Variants in COL1A2 observed in about 807,000 individuals in gnomAD.
COL1A2 encodes collagen type I alpha 2 chain.
COL1A2 carries 49 observed loss-of-function variants against 174.3 expected under a neutral mutation model. The observed-to-expected ratio is 0.28, with a 90% CI of 0.22 to 0.36. The LOEUF is 0.36. Among genes scored for constraint, COL1A2 ranks in the 10% least tolerant of loss-of-function variants. The pLI, the probability that COL1A2 is intolerant of heterozygous loss-of-function variation, is 1.00. For synonymous variants in COL1A2, 655 were observed against 606.6 expected (o/e 1.08, Z -1.17); for missense variants, 1,438 against 1,822.7 (o/e 0.79, Z 3.84).
Position 94,430,605 on chromosome 7 carries a change from G to T in COL1A2, c.*212G>T. ...CCTTCCCCCGCTCCCCCAAAAATTT[G>T]AATTTTTTTTTCAACACTCTTACAC... On this transcript the variant is annotated 3_prime_UTR_variant, in exon 52 of 52. Coordinates refer to ENST00000297268, the MANE Select transcript of COL1A2 (RefSeq NM_000089.4). 3.5e-6 allele frequency: 2 copies of T among 572,404 alleles called. No individual in the cohort carries two copies. Among genetic ancestry groups the T allele is most frequent in the Non-Finnish European group, 6.1e-6 (2 of 329,786 alleles). 35.5% of individuals were successfully genotyped at this position (572,404 alleles called of 1,614,324 possible).
intron 4 of COL1A2, 62 bp downstream of exon 4, chr7:94,399,146 C>A: frequency 6.8e-7 from 1 of 1,471,762 alleles, no homozygotes; most frequent in East Asian, 2.3e-5. Context: ...ATGTTAGAAA[C>A]TACAGGAACT....
intron 3 of COL1A2, 78 bp downstream of exon 3, chr7:94,398,474 T>A: frequency 1.6e-6 from 1 of 610,930 alleles, no homozygotes; most frequent in Non-Finnish European, 2.6e-6. Context: ...TAGTAGACTA[T>A]AGAAGGAAAA....
Position 94,429,372 on chromosome 7 carries a change from A to C in COL1A2, c.3896A>C (p.Glu1299Ala). The change falls in exon 51 of 52, where the codon GAA becomes GCA. Residue 1299 changes from glutamate (E) to alanine (A), a missense_variant. Glu to Ala is a moderately radical substitution (Grantham distance 107, BLOSUM62 -1). Around this residue, in one of 3 missense-constraint regions of COL1A2, gnomAD observed 290 missense variants for 298.1 expected, o/e 0.97. Transcript: ENST00000297268. ...AVILQGSNDV[E>A]LVAEGNSRFT... is the part of the protein sequence containing the mutation. ...ATTCTACAGGGCTCTAATGATGTTG[A>C]ACTTGTTGCTGAGGGCAACAGCAGG... The C allele has an allele frequency of 6.2e-7, 1 of 1,613,996 alleles. No individual in the cohort carries two copies. Among genetic ancestry groups the C allele is most frequent in the Non-Finnish European group, 8.5e-7 (1 of 1,179,896 alleles).
chr7:94,423,906 C>T (rs1370634915), intron 40 of COL1A2: 1 of 195,494 alleles, frequency 5.1e-6, no homozygotes, highest in African/African-American at 2.4e-5. Flanking sequence ...GATTTCCTTT[C>T]CTTTGTGTAT....
At chr7:94,402,622 A>G (rs879471988) in intron 6 of COL1A2, among the ~76,000 whole-genome samples, 3 of 152,124 alleles carry the variant, frequency 2.0e-5, no homozygotes, top group Non-Finnish European at 4.4e-5. Context: ...ATACTAGCAT[A>G]TATGAAATAG....
chr7:94,411,016 ATCC>A, intron 22 of COL1A2, 37 bp from the exon 23 acceptor site: 1 of 1,602,570 alleles, frequency 6.2e-7, no homozygotes, highest in Non-Finnish European at 8.5e-7. Flanking sequence ...TAGCTTTAGC[ATCC>A]TCCTCCTCTA....
chr7:94,402,996 G>GT (rs1431202508), intron 6 of COL1A2, among the ~76,000 whole-genome samples: 9 of 152,118 alleles, frequency 5.9e-5, no homozygotes, highest in Non-Finnish European at 1.0e-4. Flanking sequence ...AAATGAAAAA[G>GT]TAGAGTGTTT....
At chr7:94,416,190 G>T (rs1792039066) in intron 30 of COL1A2, among the ~76,000 whole-genome samples, 1 of 152,168 alleles carries the variant, frequency 6.6e-6, no homozygotes, top group Admixed American at 6.6e-5. Flanking sequence ...TTCTGGAGTC[G>T]TAGTCATGGA....
In COL1A2 at chr7:94,430,278, T is replaced by C. The variant is rs1792371266; in HGVS notation, c.3986T>C (p.Ile1329Thr). 2 of 1,614,056 alleles carry C rather than the reference T, an allele frequency of 1.2e-6. No homozygotes were observed. The highest frequency in any genetic ancestry group is 1.3e-5 in the African/African-American group (1 of 75,046). ...KKTNEWGKTI[I>T]EYKTNKPSRL... ...ACAAATGAATGGGGAAAGACAATCA[T>C]TGAATACAAAACAAATAAGCCATCA... The change falls in exon 52 of 52, where the codon ATT becomes ACT. Residue 1329 changes from isoleucine to threonine, a missense_variant. Ile to Thr is a moderately conservative substitution (Grantham distance 89). Coordinates refer to ENST00000297268, the MANE Select transcript of COL1A2 (RefSeq NM_000089.4).
chr7:94,416,337 C>G lies in COL1A2; in HGVS notation c.1765-68C>G, dbSNP rs980001002. On this transcript the variant is annotated intron_variant, in intron 30 of 51. Transcript: ENST00000297268. ...CTCGGAAGCTACACAAATGTAAACTCTCATATGTAAAACAGTATCACTGAA... is the reference window on the plus strand; with the variant it reads ...CTCGGAAGCTACACAAATGTAAACTGTCATATGTAAAACAGTATCACTGAA... 11 of 1,354,310 alleles carry G rather than the reference C, an allele frequency of 8.1e-6. No homozygotes were observed. The African/African-American group carries it at 1.6e-4, about 20-fold the overall frequency. The allele number at this position is 1,354,310 out of a possible 1,614,324, so 83.9% of individuals were successfully genotyped here.
At chr7:94,412,189 T>C (rs1326221516) in intron 24 of COL1A2, 68 bp downstream of exon 24, 17 of 1,371,642 alleles carry the variant, frequency 1.2e-5, no homozygotes, top group Non-Finnish European at 1.8e-5. Context: ...GTCTATTTTG[T>C]GGCTTATTTA....
intron 51 of COL1A2, 136 bp downstream of exon 51, chr7:94,429,566 A>T (rs376564577): frequency 2.4e-6 from 2 of 839,594 alleles, no homozygotes; most frequent in East Asian, 2.5e-5. Flanking sequence ...TTTCATAAGT[A>T]AATTCAGTTT....
At chr7:94,420,970 T>G (rs1480799109) in intron 37 of COL1A2, 39 bp from the exon 38 acceptor site, 2 of 1,593,256 alleles carry the variant, frequency 1.3e-6, no homozygotes, top group Non-Finnish European at 1.7e-6. Flanking sequence ...TTACAAGGGT[T>G]TGTTTGTGAT....
At chr7:94,410,317 CT>C in intron 20 of COL1A2, 22 bp downstream of exon 20, 1 of 1,613,622 alleles carries the variant, frequency 6.2e-7, no homozygotes, top group Non-Finnish European at 8.5e-7. Context: ...TATCATCACA[CT>C]TTTATAAAGT....
rs1554395967 is a variant in COL1A2 at position 94,408,810 on chromosome 7, C to A, written c.779C>A (p.Ala260Asp). ...GSAGPPGFPGAPGPKGEIGAV... is the reference protein window; with the variant it reads ...GSAGPPGFPGDPGPKGEIGAV... ...GCTGGCCCTCCAGGCTTCCCAGGTG[C>A]CCCTGGCCCCAAGGTAAAAACACTG... is the stretch of plus-strand genomic sequence containing the variant. The change falls in exon 16 of 52, where the codon GCC (alanine) becomes GAC (aspartate). Residue 260 changes from alanine to aspartate, a missense_variant. Around this residue, in one of 3 missense-constraint regions of COL1A2, gnomAD observed 867 missense variants for 1,213.7 expected, o/e 0.71. Coordinates refer to ENST00000297268, the MANE Select transcript of COL1A2 (RefSeq NM_000089.4). 1 of 1,614,112 alleles carries A rather than the reference C, an allele frequency of 6.2e-7. No individual in the cohort carries two copies. Among genetic ancestry groups the A allele is most frequent in the Non-Finnish European group, 8.5e-7 (1 of 1,179,998 alleles).
At position 94,401,633 on chromosome 7, in the gene COL1A2, G is replaced by A; in HGVS notation, c.279+13G>A. 1.3e-6 allele frequency: 2 copies of A among 1,578,556 alleles called. No homozygotes were observed. Among genetic ancestry groups the A allele is most frequent in the Non-Finnish European group, 1.7e-6 (2 of 1,157,906 alleles). On this transcript the variant is annotated intron_variant, in intron 6 of 51. Coordinates refer to ENST00000297268, the MANE Select transcript of COL1A2 (RefSeq NM_000089.4). ...CCCTGGACCAATGGTATGCTTATCTGTTTATCTTAGCCAAAAAAATTGCTA... is the reference window on the plus strand; with the variant it reads ...CCCTGGACCAATGGTATGCTTATCTATTTATCTTAGCCAAAAAAATTGCTA...
chr7:94,407,730 A>C (rs1791831347), intron 12 of COL1A2, 117 bp from the exon 13 acceptor site: 6 of 858,580 alleles, frequency 7.0e-6, no homozygotes, highest in Non-Finnish European at 1.1e-5. Flanking sequence ...CTATATGTGT[A>C]AGAAATATTA....
At chr7:94,411,216 G>C (rs1305481997) in intron 23 of COL1A2, 62 bp downstream of exon 23, 1 of 1,268,968 alleles carries the variant, frequency 7.9e-7, no homozygotes. Flanking sequence ...TTAAAGGGTT[G>C]GTTAATATTG....
At chr7:94,398,343 A>C (rs977517373) in intron 2 of COL1A2, 39 bp from the exon 3 acceptor site, 2 of 769,462 alleles carry the variant, frequency 2.6e-6, no homozygotes, top group Non-Finnish European at 3.9e-6. Context: ...ATATATATAC[A>C]ATTTTCTTCA....
Sources: allele counts gnomAD v4.1 joint callset (sites outside exome capture counted in the v4.1 genomes callset), GRCh38; gene constraint gnomAD v4.1.1; regional missense constraint gnomAD v4.1.1; transcripts MANE v1.5; gene names NCBI Gene and HGNC (gene_info 2026-07-23, HGNC 2026-07-21).